TMEM108: variants seen among roughly 807,000 people sequenced by gnomAD.
The protein encoded by TMEM108 is transmembrane protein 108.
A neutral mutation model predicts 35.1 loss-of-function variants in TMEM108; 12 were observed. That is an observed-to-expected ratio of 0.34 (90% CI 0.22 to 0.55). The LOEUF is 0.55. TMEM108 is among the 20% of genes least tolerant of loss of function. TMEM108 has a pLI of 0.89. For synonymous variants in TMEM108, 287 were observed against 308.6 expected, an observed-to-expected ratio of 0.93 and a Z score of 0.73; for missense variants, 680 against 753.3, an observed-to-expected ratio of 0.90 and a Z score of 1.14.
At chr3:133,338,890 A>G (rs904902255) in intron 3 of TMEM108, among the ~76,000 whole-genome samples, 10 of 152,060 alleles carry the variant, frequency 6.6e-5, no homozygotes, top group Non-Finnish European at 1.5e-4. Flanking sequence ...TTATCAGCTT[A>G]AAATAATGGG....
chr3:133,345,083 C>T (rs1402670389), intron 3 of TMEM108, among the ~76,000 whole-genome samples: 1 of 151,780 alleles, frequency 6.6e-6, no homozygotes, highest in East Asian at 1.9e-4. Context: ...TTATACAGCT[C>T]ATGTAACCGA....
At position 133,283,926 on chromosome 3, in the gene TMEM108, G is replaced by C. The variant is rs1946949867; in HGVS notation, c.40+54575G>C. On this transcript the variant is annotated intron_variant, in intron 3 of 5. Transcript: ENST00000321871. ...AGATGTAAGAGGCAAGACTTGTGCA[G>C]AATGTTTCCAGGTAGCAAACGTGGA... Among the ~76,000 whole-genome samples the C allele has an allele frequency of 2.0e-5, 3 of 152,204 alleles. No homozygotes were observed. In the South Asian group the frequency reaches 6.2e-4, roughly 31 times the overall value.
chr3:133,221,302 A>G (rs576739028), intron 2 of TMEM108, among the ~76,000 whole-genome samples: 2 of 152,242 alleles, frequency 1.3e-5, no homozygotes, highest in South Asian at 4.2e-4. Context: ...AGAAAAAAAG[A>G]TGCTCCTATC....
chr3:133,220,584 T>A (rs1206147319), intron 2 of TMEM108, among the ~76,000 whole-genome samples: 1 of 152,242 alleles, frequency 6.6e-6, no homozygotes, highest in African/African-American at 2.4e-5. Flanking sequence ...TGAATAAATT[T>A]ATGTATTTAT....
chr3:133,381,618 G>A (rs542877692), intron 4 of TMEM108, among the ~76,000 whole-genome samples: 1 of 152,254 alleles, frequency 6.6e-6, no homozygotes, highest in East Asian at 1.9e-4. Flanking sequence ...GTAGGTCAAT[G>A]TCGATGCTTC....
intron 4 of TMEM108, chr3:133,387,900 T>C: frequency 2.0e-6 from 2 of 985,472 alleles, no homozygotes; most frequent in Non-Finnish European, 2.4e-6. Context: ...TGTTTGCTTA[T>C]AACTGCTCAG....
chr3:133,124,093 A>G (rs759545015), intron 2 of TMEM108, among the ~76,000 whole-genome samples: 3 of 152,210 alleles, frequency 2.0e-5, no homozygotes, highest in Non-Finnish European at 4.4e-5. Flanking sequence ...TATATGGATT[A>G]TTAGAAGAAG....
At position 133,390,244 on chromosome 3, in the gene TMEM108, G is replaced by A; in HGVS notation, c.1515G>A (p.Leu505=). The A allele has an allele frequency of 6.2e-7, 1 of 1,614,204 alleles. No homozygotes were observed. Among genetic ancestry groups the A allele is most frequent in the Non-Finnish European group, 8.5e-7 (1 of 1,180,038 alleles). ...AGACCGCCAACCCGGAGAACAACCTGAGCTACTGGAACAACACCATCACCA... is the reference window on the plus strand; with the variant it reads ...AGACCGCCAACCCGGAGAACAACCTAAGCTACTGGAACAACACCATCACCA... The part of the protein sequence containing the change: ...KKKTANPENN[L]SYWNNTITMD... Residue 505 remains leucine, a synonymous_variant, in exon 5 of 6, where the codon CTG becomes CTA. Transcript: ENST00000321871.
At chr3:133,336,169 GA>G (rs1304752653) in intron 3 of TMEM108, among the ~76,000 whole-genome samples, 1 of 152,118 alleles carries the variant, frequency 6.6e-6, no homozygotes, top group East Asian at 1.9e-4. Context: ...TTCTGGTGCT[GA>G]ACTGAGCTCA....
intron 2 of TMEM108, among the ~76,000 whole-genome samples, chr3:133,222,537 C>G (rs1946007770): frequency 6.6e-6 from 1 of 151,914 alleles, no homozygotes; most frequent in African/African-American, 2.4e-5. Flanking sequence ...GTTGTTGCTC[C>G]ACTAATCCCA....
chr3:133,372,114 G>A (rs2072693891), intron 3 of TMEM108, among the ~76,000 whole-genome samples: 1 of 152,214 alleles, frequency 6.6e-6, no homozygotes, highest in Non-Finnish European at 1.5e-5. Context: ...ATTAAAGGCA[G>A]CATAGTTGCC....
intron 3 of TMEM108, among the ~76,000 whole-genome samples, chr3:133,332,624 C>T (rs763663346): frequency 2.0e-5 from 3 of 152,130 alleles, no homozygotes; most frequent in Non-Finnish European, 2.9e-5. Context: ...ATGCTTATAG[C>T]CCCAAACTTA....
At chr3:133,065,493 A>AT (rs148203808) in intron 2 of TMEM108, among the ~76,000 whole-genome samples, 5,912 of 151,362 alleles carry the variant, frequency 0.039, 377 homozygotes, top group African/African-American at 0.13. Flanking sequence ...AAGAAACCCA[A>AT]TTTTTTTTTC....
At chr3:133,039,164 A>C (rs1033536995) in intron 1 of TMEM108, among the ~76,000 whole-genome samples, 1 of 152,190 alleles carries the variant, frequency 6.6e-6, no homozygotes, top group African/African-American at 2.4e-5. Context: ...CCAATTTCAG[A>C]TGCAGCGTAA....
At chr3:133,321,710 A>T (rs538194346) in intron 3 of TMEM108, among the ~76,000 whole-genome samples, 1 of 152,302 alleles carries the variant, frequency 6.6e-6, no homozygotes, top group Admixed American at 6.5e-5. Context: ...ATTCTACCCA[A>T]TAACTGCAGA....
At chr3:133,092,064 G>T (rs1408009810) in intron 2 of TMEM108, among the ~76,000 whole-genome samples, 1 of 152,196 alleles carries the variant, frequency 6.6e-6, no homozygotes. Flanking sequence ...GGCATGTCTT[G>T]GGAGGAAGAC....
chr3:133,176,725 A>C (rs1438158195), intron 2 of TMEM108, among the ~76,000 whole-genome samples: 1 of 152,252 alleles, frequency 6.6e-6, no homozygotes, highest in African/African-American at 2.4e-5. Flanking sequence ...GGAAAGATCT[A>C]AAATCGACAC....
At chr3:133,040,138 C>T (rs1289730429) in intron 1 of TMEM108, among the ~76,000 whole-genome samples, 1 of 151,578 alleles carries the variant, frequency 6.6e-6, no homozygotes, top group Non-Finnish European at 1.5e-5. Context: ...ACCTGATAGA[C>T]TTCACACAAA....
chr3:133,382,281 A>G (rs772848714), intron 4 of TMEM108, among the ~76,000 whole-genome samples: 10 of 152,196 alleles, frequency 6.6e-5, no homozygotes, highest in Non-Finnish European at 1.2e-4. Flanking sequence ...CTGGGGGCCT[A>G]AAGTTTGCCT....
Sources: gnomAD v4.1 joint callset for allele counts (sites outside exome capture counted in the v4.1 genomes callset) on GRCh38, gnomAD v4.1.1 for gene constraint, MANE v1.5 for transcripts, NCBI Gene and HGNC (gene_info 2026-07-23, HGNC 2026-07-21) for gene names.